PATJ: variants seen among roughly 807,000 people sequenced by gnomAD.
PATJ encodes the protein inaD-like protein.
PATJ carries 190 observed loss-of-function variants against 224.9 expected under a neutral mutation model. The ratio of observed to expected loss-of-function variants is 0.84; its 90% CI spans 0.75 to 0.95. The LOEUF (loss-of-function observed/expected upper bound fraction) is 0.95. PATJ is among the 40% of genes least tolerant of loss of function. PATJ has a pLI of 0.00. For missense variants in PATJ, 2,121 were observed against 2,270.3 expected (o/e 0.93, Z 1.34); for synonymous variants, 769 against 820.3 (o/e 0.94, Z 1.07).
intron 8 of PATJ, 72 bp from the exon 9 acceptor site, chr1:61,791,276 T>C (rs957724685): frequency 2.3e-6 from 2 of 874,386 alleles, no homozygotes; most frequent in Non-Finnish European, 3.7e-6. Context: ...TTGACAAACC[T>C]TGCACAGATT....
At chr1:61,981,694 CG>C (rs1557985763) in intron 27 of PATJ, among the ~76,000 whole-genome samples, 1 of 147,600 alleles carries the variant, frequency 6.8e-6, no homozygotes, top group Non-Finnish European at 1.5e-5. Flanking sequence ...TTTTTGGAGA[CG>C]GAGTCTCACT....
chr1:61,761,671 G>C (rs1645978640), intron 1 of PATJ, among the ~76,000 whole-genome samples: 1 of 151,726 alleles, frequency 6.6e-6, no homozygotes, highest in Admixed American at 6.6e-5. Context: ...TATTCCTCTG[G>C]GTGTTCCTCT....
rs751884706 is a variant in PATJ, at chr1:61,875,290, TGAAG to T, written c.2887_2890del (p.Gly963ThrfsTer16). On this transcript the variant is annotated frameshift_variant, in exon 21 of 44. Coordinates refer to ENST00000642238, the MANE Select transcript of PATJ (RefSeq NM_001350145.3). LOFTEE classifies it high-confidence loss of function. ...AGTCCCTACCATCTGTACCATCAACTGAAGGAAACAGTCAACAAGGCAGATTTGA... is the reference window on the plus strand; with the variant it reads ...AGTCCCTACCATCTGTACCATCAACTGAAACAGTCAACAAGGCAGATTTGA... The T allele has an allele frequency of 3.1e-6, 5 of 1,608,868 alleles. No homozygotes were observed. The highest frequency in any genetic ancestry group is 3.4e-6 in the Non-Finnish European group (4 of 1,175,808).
At position 62,141,020 on chromosome 1, in the gene PATJ, C is replaced by T. The variant is rs191685948; in HGVS notation, c.5272-7264C>T. ...TGCCTCCCACCCCTCAGGCTGTCTC[C>T]CTGCAGTACCCTGGAGAGTGAAGTA... On this transcript the variant is annotated intron_variant, in intron 41 of 43. Coordinates refer to ENST00000642238, the MANE Select transcript of PATJ (RefSeq NM_001350145.3). 3.1e-3 allele frequency among the ~76,000 whole-genome samples: 474 copies of T among 152,064 alleles called. 3 individuals are homozygous for T. The highest frequency in any genetic ancestry group is 0.011 in the African/African-American group (448 of 41,490).
At chr1:62,150,876 C>T (rs761290244) in intron 42 of PATJ, among the ~76,000 whole-genome samples, 4 of 152,142 alleles carry the variant, frequency 2.6e-5, no homozygotes, top group Non-Finnish European at 5.9e-5. Context: ...GGCGTGGTGG[C>T]TTACGCCTGT....
chr1:61,941,685 C>A (rs982247978), intron 27 of PATJ, among the ~76,000 whole-genome samples: 3 of 152,056 alleles, frequency 2.0e-5, no homozygotes, highest in Non-Finnish European at 2.9e-5. Context: ...AAAGTTAATT[C>A]TCTTAATAGT....
At position 61,884,418 on chromosome 1, in the gene PATJ, C is replaced by A. The variant is rs200999530; in HGVS notation, c.3131+10C>A. On this transcript the variant is annotated intron_variant, in intron 22 of 43. Transcript: ENST00000642238. Reference sequence around the variant, plus strand: ...ATGCCACTGATACATGGTATGATATCATTTCTCTTTGTTTTCACATTATAA... The same window carrying A: ...ATGCCACTGATACATGGTATGATATAATTTCTCTTTGTTTTCACATTATAA... The A allele has an allele frequency of 8.0e-4, 826 of 1,027,460 alleles. 1 individual carries two copies. The highest frequency in any genetic ancestry group is 6.8e-4 in the Non-Finnish European group (495 of 731,406). The allele number at this position is 1,027,460 out of a possible 1,614,324, so 63.6% of individuals were successfully genotyped here.
chr1:62,124,993 G>A (rs1483383081), intron 39 of PATJ, among the ~76,000 whole-genome samples: 2 of 152,010 alleles, frequency 1.3e-5, no homozygotes, highest in Non-Finnish European at 2.9e-5. Flanking sequence ...GTGGGAGGCC[G>A]AGGTGGGAGG....
intron 41 of PATJ, among the ~76,000 whole-genome samples, chr1:62,144,777 A>AATATATATATATATATATATATATAT (rs1553280095): frequency 4.2e-5 from 5 of 119,090 alleles, no homozygotes; most frequent in Admixed American, 1.8e-4. Flanking sequence ...AAAAAAAAAA[A>AATATATATATATATATATATATATAT]ATATATATAT....
intron 16 of PATJ, among the ~76,000 whole-genome samples, chr1:61,830,765 T>G (rs1272294282): frequency 6.6e-6 from 1 of 152,108 alleles, no homozygotes; most frequent in Non-Finnish European, 1.5e-5. Context: ...AAGTCAACAA[T>G]AACAAGCAAT....
chr1:61,849,251 T>C (rs35180388), intron 17 of PATJ, among the ~76,000 whole-genome samples: 11,827 of 151,968 alleles, frequency 0.078, 547 homozygotes, highest in South Asian at 0.15. Context: ...GGTATTTTGG[T>C]GTGGTGAACT....
rs111329408 is a variant in PATJ at position 61,999,560 on chromosome 1, C to T, written c.3867+9196C>T. ...GTACACAGCTGTAATCTCAGCTACT[C>T]GGGGGGCTGAGGCACAAGAATCGTT... On this transcript the variant is annotated intron_variant, in intron 28 of 43. Transcript: ENST00000642238. Among the ~76,000 whole-genome samples the T allele has an allele frequency of 3.5e-3, 531 of 151,952 alleles. 3 individuals are homozygous for T. The highest frequency in any genetic ancestry group is 0.012 in the African/African-American group (500 of 41,430).
chr1:61,775,294 T>G lies in PATJ; in HGVS notation c.809T>G (p.Val270Gly). Residue 270 changes from valine to glycine, a missense_variant, in exon 7 of 44, where the codon GTG becomes GGG. Transcript: ENST00000642238. Reference protein sequence around the residue: ...FGIVGGKTSGVVVRTIVPGGL... With the variant: ...FGIVGGKTSGGVVRTIVPGGL... ...ATAGTTGGAGGAAAAACAAGTGGCG[T>G]GGTTGTGAGGACTATAGTTCCTGGA... 1 of 1,613,942 alleles carries G rather than the reference T, an allele frequency of 6.2e-7. No homozygotes were observed.
intron 28 of PATJ, among the ~76,000 whole-genome samples, chr1:62,008,898 A>G (rs2148304035): frequency 6.6e-6 from 1 of 152,324 alleles, no homozygotes; most frequent in Non-Finnish European, 1.5e-5. Context: ...TAAATTGGGA[A>G]GCATCAAATC....
At chr1:62,061,269 C>T (rs560158486) in intron 31 of PATJ, among the ~76,000 whole-genome samples, 2 of 151,932 alleles carry the variant, frequency 1.3e-5, no homozygotes, top group Non-Finnish European at 2.9e-5. Flanking sequence ...ACAATCTCTA[C>T]CTCCCAGGTT....
intron 26 of PATJ, among the ~76,000 whole-genome samples, chr1:61,925,637 G>C (rs555173787): frequency 1.3e-5 from 2 of 152,158 alleles, no homozygotes; most frequent in African/African-American, 4.8e-5. Context: ...ATTGGTTCTG[G>C]TAGGTGAGTC....
Position 62,079,636 on chromosome 1 carries a change from A to AAAACGAGAACTGG in PATJ, c.4243+71_4243+83dup, listed in dbSNP as rs1242673712. 6.0e-6 allele frequency: 6 copies of AAAACGAGAACTGG among 995,382 alleles called. No homozygotes were observed. In the African/African-American group the frequency reaches 8.1e-5, roughly 13 times the overall value. The allele number at this position is 995,382 out of a possible 1,614,324, so 61.7% of individuals were successfully genotyped here. On this transcript the variant is annotated intron_variant, in intron 32 of 43. Transcript: ENST00000642238. ...AGAAGGCAAGGGATCATAATGTCCT[A>AAAACGAGAACTGG]AAACGAGAACTGGACCAGGAGGCAG...
rs192726094 is a variant in PATJ, at chr1:61,808,650, C to A, written c.1683+120C>A. The A allele has an allele frequency of 1.3e-4, 81 of 613,624 alleles. No homozygotes were observed. The East Asian group carries it at 2.4e-3, about 18-fold the overall frequency. 38.0% of individuals were successfully genotyped at this position (613,624 alleles called of 1,614,324 possible). A position where few individuals can be genotyped will look rare whatever the true frequency, so the allele number is the denominator to read the frequency against. On this transcript the variant is annotated intron_variant, in intron 14 of 43. Transcript: ENST00000642238. ...AAGTGATCCTCCCGTGTTTCCCTCC[C>A]AAAGTGTTAGGATTACAGGTGGAGC...
intron 27 of PATJ, among the ~76,000 whole-genome samples, chr1:61,973,963 G>C (rs1683321441): frequency 6.6e-6 from 1 of 151,662 alleles, no homozygotes; most frequent in East Asian, 1.9e-4. Flanking sequence ...AGTGTTCTTA[G>C]TGTGCATAAG....
Sources: gnomAD v4.1 joint callset for allele counts (sites outside exome capture counted in the v4.1 genomes callset) on GRCh38, gnomAD v4.1.1 for gene constraint, MANE v1.5 for transcripts, NCBI Gene and HGNC (gene_info 2026-07-23, HGNC 2026-07-21) for gene names.